The following TEC variants were observed in gnomAD, a reference collection of about 807,000 sequenced individuals.
TEC encodes tec protein tyrosine kinase.
Under a neutral mutation model 93.0 loss-of-function variants are expected in TEC, and 72 were observed. That is an observed-to-expected ratio of 0.77 (90% CI 0.64 to 0.94). The LOEUF (loss-of-function observed/expected upper bound fraction) is 0.94. Among genes scored for constraint, TEC ranks in the 40% least tolerant of loss-of-function variants. The probability of loss-of-function intolerance (pLI) is 0.00; values close to 1 mark genes in which losing one functional copy is unlikely to be tolerated. For synonymous variants in TEC, 249 were observed against 247.7 expected, an observed-to-expected ratio of 1.01 and a Z score of -0.05; for missense variants, 630 against 757.9, an observed-to-expected ratio of 0.83 and a Z score of 1.98.
At chr4:48,143,887 C>T (rs1014606868) in intron 14 of TEC, among the ~76,000 whole-genome samples, 2 of 152,134 alleles carry the variant, frequency 1.3e-5, no homozygotes, top group African/African-American at 4.8e-5. Context: ...TTGTAAAATA[C>T]TTATCAGAAC....
chr4:48,203,483 T>C (rs1722600236), intron 2 of TEC, among the ~76,000 whole-genome samples: 1 of 152,214 alleles, frequency 6.6e-6, no homozygotes, highest in African/African-American at 2.4e-5. Context: ...AAATGCATAC[T>C]GCGCAGACCA....
In TEC at chr4:48,145,280, C is replaced by T. The variant is rs759989983; in HGVS notation, c.1269G>A (p.Pro423=). 3.1e-6 allele frequency: 5 copies of T among 1,613,954 alleles called. No individual in the cohort carries two copies. The highest frequency in any genetic ancestry group is 4.5e-5 in the East Asian group (2 of 44,886). Reference sequence around the variant, plus strand: ...ACACACCATAAAGCTGCACTAACTTCGGGTGTGTCAGTTTCCTGGGAAGGA... The same window carrying T: ...ACACACCATAAAGCTGCACTAACTTTGGGTGTGTCAGTTTCCTGGGAAGGA... ...EAKVMMKLTH[P]KLVQLYGVCT... is the part of the protein sequence containing the mutation. Residue 423 remains proline (P), a synonymous_variant, in exon 14 of 18, where the codon CCG becomes CCA. Transcript: ENST00000381501.
In TEC at chr4:48,154,649, A is replaced by T. The variant is rs143358446; in HGVS notation, c.792+2031T>A. Among the ~76,000 whole-genome samples, 3 of 152,340 alleles carry T rather than the reference A, an allele frequency of 2.0e-5. No individual in the cohort carries two copies. In the East Asian group the frequency reaches 5.8e-4, roughly 29 times the overall value. Reference sequence around the variant, plus strand: ...AGGTTGTTTCAAAATGAAGGGAAAAAATGATATAGATAAAACTAAATGGGT... The same window carrying T: ...AGGTTGTTTCAAAATGAAGGGAAAATATGATATAGATAAAACTAAATGGGT... On this transcript the variant is annotated intron_variant, in intron 9 of 17. Coordinates refer to ENST00000381501, the MANE Select transcript of TEC (RefSeq NM_003215.3).
At chr4:48,177,826 C>G (rs1721391930) in intron 2 of TEC, among the ~76,000 whole-genome samples, 1 of 152,020 alleles carries the variant, frequency 6.6e-6, no homozygotes, top group African/African-American at 2.4e-5. Flanking sequence ...CTCAGGAGAT[C>G]TGATGGTTTT....
chr4:48,157,466 C>T (rs1322082415), intron 8 of TEC, among the ~76,000 whole-genome samples: 2 of 152,206 alleles, frequency 1.3e-5, no homozygotes, highest in Non-Finnish European at 2.9e-5. Context: ...TTCCCTCCCA[C>T]CAGATCTTTC....
chr4:48,176,175 T>A lies in TEC; in HGVS notation c.150A>T (p.Arg50Ser). 1 of 1,610,090 alleles carries A rather than the reference T, an allele frequency of 6.2e-7. No homozygotes were observed. Among genetic ancestry groups the A allele is most frequent in the South Asian group, 1.1e-5 (1 of 90,984 alleles). The change falls in exon 3 of 18, where the codon AGA (arginine) becomes AGT (serine). Residue 50 changes from arginine (R) to serine (S), a missense_variant. Arg to Ser is a moderately radical substitution (Grantham distance 110). This residue lies in a region of TEC where 335 missense variants were observed against 351.5 expected (regional missense o/e 0.95). Transcript: ENST00000381501. Reference protein sequence around the residue: ...YYEGRAEKKYRKGFIDVSKIK... With the variant: ...YYEGRAEKKYSKGFIDVSKIK... ...TTTTTGAAACATCAATAAACCCCTT[T>A]CTGTATTTCTTCTGTTAAAAGAAAA...
chr4:48,141,449 G>C, intron 14 of TEC, 30 bp from the exon 15 acceptor site: 1 of 1,599,722 alleles, frequency 6.3e-7, no homozygotes. Flanking sequence ...TGGTATATTA[G>C]TTTAAAAATT....
intron 7 of TEC, 84 bp downstream of exon 7, chr4:48,167,694 G>A (rs915093906): frequency 3.1e-6 from 4 of 1,295,986 alleles, no homozygotes; most frequent in African/African-American, 1.5e-5. Flanking sequence ...CTCATTACAC[G>A]ATAGTTACGA....
At position 48,167,805 on chromosome 4, in the gene TEC, T is replaced by G. The variant is rs1335722528; in HGVS notation, c.644A>C (p.His215Pro). The change falls in exon 7 of 18, where the codon CAT (histidine) becomes CCT (proline). Residue 215 changes from histidine (H) to proline (P), a missense_variant. This residue lies in a region of TEC where 335 missense variants were observed against 351.5 expected (regional missense o/e 0.95). Transcript: ENST00000381501. ...EYLILEKNDVHWWRARDKYGN... is the reference protein window; with the variant it reads ...EYLILEKNDVPWWRARDKYGN... ...ATATTTATCTCTTGCTCTCCACCAATGAACATCATTCTTTTCTAAAATGAG... is the reference window on the plus strand; with the variant it reads ...ATATTTATCTCTTGCTCTCCACCAAGGAACATCATTCTTTTCTAAAATGAG... 1 of 1,613,720 alleles carries G rather than the reference T, an allele frequency of 6.2e-7. No individual in the cohort carries two copies. Among genetic ancestry groups the G allele is most frequent in the East Asian group, 2.2e-5 (1 of 44,864 alleles).
intron 14 of TEC, chr4:48,141,641 T>C: frequency 2.1e-6 from 1 of 486,348 alleles, no homozygotes; most frequent in East Asian, 3.4e-5. Flanking sequence ...AATAAGGCAT[T>C]ATTACATAAT....
intron 2 of TEC, among the ~76,000 whole-genome samples, chr4:48,193,567 T>C (rs914330035): frequency 2.6e-5 from 4 of 152,182 alleles, no homozygotes; most frequent in Admixed American, 1.3e-4. Flanking sequence ...ATGGTTATCA[T>C]TGGATATGTT....
chr4:48,257,966 T>G (rs1212347244), intron 1 of TEC, among the ~76,000 whole-genome samples: 3 of 152,312 alleles, frequency 2.0e-5, no homozygotes, highest in Non-Finnish European at 4.4e-5. Flanking sequence ...TGGGTAAAAC[T>G]GGCATTTAAT....
rs1011136209 is a variant in TEC, at chr4:48,192,163, T to G, written c.139-15977A>C. 2.6e-5 allele frequency among the ~76,000 whole-genome samples: 4 copies of G among 152,184 alleles called. No individual in the cohort carries two copies. In the South Asian group the frequency reaches 8.3e-4, roughly 32 times the overall value. ...TGGTATAGCCATACAATGGAGTACT[T>G]CACAGTAATAGAAATGCAATATTGT... On this transcript the variant is annotated intron_variant, in intron 2 of 17. Transcript: ENST00000381501.
chr4:48,178,972 C>T (rs6814046), intron 2 of TEC, among the ~76,000 whole-genome samples: 72,474 of 151,902 alleles, frequency 0.48, 18,092 homozygotes, highest in African/African-American at 0.61. Context: ...TCAAACCAAA[C>T]GGTCTTCTCT....
intron 9 of TEC, among the ~76,000 whole-genome samples, chr4:48,154,998 T>G (rs1490509768): frequency 6.6e-6 from 1 of 152,208 alleles, no homozygotes; most frequent in Non-Finnish European, 1.5e-5. Context: ...AGATAAAGAC[T>G]GACAAAAGGG....
In TEC at chr4:48,176,172, C is replaced by T. The variant is rs1399550705; in HGVS notation, c.153G>A (p.Lys51=). The change falls in exon 3 of 18, where the codon AAG becomes AAA. Residue 51 remains lysine, a synonymous_variant. Transcript: ENST00000381501. ...TGATTTTTGAAACATCAATAAACCC[C>T]TTTCTGTATTTCTTCTGTTAAAAGA... is the stretch of plus-strand genomic sequence containing the variant. ...YEGRAEKKYR[K]GFIDVSKIKC... 3 of 1,611,092 alleles carry T rather than the reference C, an allele frequency of 1.9e-6. No individual in the cohort carries two copies. Among genetic ancestry groups the T allele is most frequent in the Non-Finnish European group, 2.5e-6 (3 of 1,177,808 alleles).
chr4:48,212,200 A>G (rs1722934746), intron 2 of TEC, among the ~76,000 whole-genome samples: 1 of 151,428 alleles, frequency 6.6e-6, no homozygotes, highest in Admixed American at 6.6e-5. Flanking sequence ...ATTCTAATTT[A>G]CTTAAATGCA....
At chr4:48,139,079 T>C in intron 15 of TEC, 57 bp from the exon 16 acceptor site, 1 of 1,443,278 alleles carries the variant, frequency 6.9e-7, no homozygotes, top group Non-Finnish European at 9.7e-7. Flanking sequence ...TTTTTTCTAC[T>C]TGCTCTTTCA....
Position 48,163,739 on chromosome 4 carries a change from C to T in TEC, c.700G>A (p.Val234Ile), listed in dbSNP as rs750190240. 7.4e-5 allele frequency: 112 copies of T among 1,504,342 alleles called. 1 individual carries two copies. The highest frequency in any genetic ancestry group is 9.1e-5 in the Non-Finnish European group (101 of 1,105,672). The allele number at this position is 1,504,342 out of a possible 1,614,324, so 93.2% of individuals were successfully genotyped here. A position where few individuals can be genotyped will look rare whatever the true frequency, so the allele number is the denominator to read the frequency against. The change falls in exon 8 of 18, where the codon GTA becomes ATA. Residue 234 changes from valine (V) to isoleucine (I), a missense_variant. Coordinates refer to ENST00000381501, the MANE Select transcript of TEC (RefSeq NM_003215.3). ...GNEGYIPSNY[V>I]TGKKSNNLDQ... ...AAGTTGTTTGATTTCTTTCCCGTTA[C>T]GTAATTACTTGGGATATATCCTTCA...
Sources: allele counts gnomAD v4.1 joint callset (sites outside exome capture counted in the v4.1 genomes callset), GRCh38; gene constraint gnomAD v4.1.1; regional missense constraint gnomAD v4.1.1; transcripts MANE v1.5; gene names NCBI Gene and HGNC (gene_info 2026-07-23, HGNC 2026-07-21).